The following GLYATL2 variants were observed in gnomAD, a reference collection of about 807,000 sequenced individuals.
The protein encoded by GLYATL2 is glycine-N-acyltransferase like 2.
Under a neutral mutation model 21.4 loss-of-function variants are expected in GLYATL2, and 25 were observed. The ratio of observed to expected loss-of-function variants is 1.17; its 90% CI spans 0.85 to 1.63. GLYATL2 has a LOEUF of 1.63. GLYATL2 is among the 40% of genes most tolerant of loss of function. The pLI is 0.00. For missense variants in GLYATL2, 361 were observed against 343.3 expected, an observed-to-expected ratio of 1.05 and a Z score of -0.41; for synonymous variants, 114 against 118.2, an observed-to-expected ratio of 0.96 and a Z score of 0.23.
intron 2 of GLYATL2, 147 bp from the exon 3 acceptor site, chr11:58,838,515 T>A: frequency 1.9e-6 from 1 of 519,834 alleles, no homozygotes; most frequent in Non-Finnish European, 3.4e-6. Context: ...GGATGGCTCA[T>A]TGGGCTACTC....
intron 1 of GLYATL2, among the ~76,000 whole-genome samples, chr11:58,841,212 C>T (rs1261601402): frequency 6.6e-6 from 1 of 152,124 alleles, no homozygotes; most frequent in East Asian, 1.9e-4. Flanking sequence ...AATATGACAT[C>T]TATGTATGCA....
intron 1 of GLYATL2, among the ~76,000 whole-genome samples, chr11:58,879,887 C>G (rs1014793292): frequency 7.5e-6 from 1 of 134,196 alleles, no homozygotes; most frequent in African/African-American, 2.8e-5. Flanking sequence ...GAGACAGAGT[C>G]TTGCTCTGTC....
At chr11:58,847,386 T>G (rs528249782), upstream of GLYATL2, among the ~76,000 whole-genome samples, 13 of 152,308 alleles carry the variant, frequency 8.5e-5, no homozygotes, top group African/African-American at 2.9e-4. Context: ...GAGCAGCAAG[T>G]GGGCTCTTGA....
chr11:58,862,778 G>A (rs965465801), intron 1 of GLYATL2, among the ~76,000 whole-genome samples: 2 of 152,038 alleles, frequency 1.3e-5, no homozygotes, highest in Non-Finnish European at 2.9e-5. Flanking sequence ...TAGATTCATT[G>A]TCAGAAAGTT....
At chr11:58,852,544 A>C (rs956940229) in intron 1 of GLYATL2, among the ~76,000 whole-genome samples, 3 of 152,290 alleles carry the variant, frequency 2.0e-5, no homozygotes, top group South Asian at 4.1e-4. Flanking sequence ...ACTATTATCC[A>C]CATTTTATGG....
chr11:58,880,308 G>A lies in GLYATL2; in HGVS notation n.60+23848C>T, dbSNP rs147000741. 1.7e-4 allele frequency among the ~76,000 whole-genome samples: 26 copies of A among 152,292 alleles called. 1 individual carries two copies. The highest frequency in any genetic ancestry group is 6.3e-4 in the African/African-American group (26 of 41,568). The stretch of plus-strand genomic sequence containing the variant: ...CTGAGGCCAGGATGGGGTCATAAGA[G>A]CAATATTAAGTATGAGGAGGAGGAG... On this transcript the variant is annotated intron_variant and non_coding_transcript_variant, in intron 1 of 4. Transcript: ENST00000533636.
intron 5 of GLYATL2, 43 bp from the exon 6 acceptor site, chr11:58,834,880 C>A (rs1182816965): frequency 7.0e-7 from 1 of 1,429,540 alleles, no homozygotes; most frequent in Admixed American, 2.2e-5. Flanking sequence ...CCAATATTAC[C>A]AAACACTGGA....
At position 58,838,274 on chromosome 11, in the gene GLYATL2, C is replaced by T. The variant is rs186979803; in HGVS notation, c.173G>A (p.Arg58Gln). The change falls in exon 3 of 6, where the codon CGG (arginine) becomes CAG (glutamine). Residue 58 changes from arginine to glutamine, a missense_variant. Coordinates refer to ENST00000287275, the MANE Select transcript of GLYATL2 (RefSeq NM_145016.4). Reference protein sequence around the residue: ...AWPDYQIVITRPQKQEMKDDQ... With the variant: ...AWPDYQIVITQPQKQEMKDDQ... ...TATTGCTCCTACCTGTTTCTGAGGC[C>T]GGGTAATGACGATCTGGTAATCTGG... is the stretch of plus-strand genomic sequence containing the variant. The T allele has an allele frequency of 1.9e-5, 31 of 1,610,828 alleles. No individual in the cohort carries two copies. The highest frequency in any genetic ancestry group is 1.7e-4 in the Middle Eastern group (1 of 6,042).
chr11:58,891,444 A>G (rs1271920733), intron 1 of GLYATL2, among the ~76,000 whole-genome samples: 1 of 152,196 alleles, frequency 6.6e-6, no homozygotes, highest in Non-Finnish European at 1.5e-5. Context: ...CATTGTCACT[A>G]TTTGAGTAGG....
intron 1 of GLYATL2, among the ~76,000 whole-genome samples, chr11:58,887,693 T>A (rs751506247): frequency 6.6e-6 from 1 of 152,204 alleles, no homozygotes. Context: ...TTTTAATAAC[T>A]GTGGCATTCC....
At chr11:58,899,185 G>C (rs912915185) in intron 1 of GLYATL2, among the ~76,000 whole-genome samples, 2 of 152,090 alleles carry the variant, frequency 1.3e-5, no homozygotes, top group Non-Finnish European at 2.9e-5. Flanking sequence ...CAACATCACA[G>C]GATATAATAG....
chr11:58,840,107 G>GAAA (rs5792130), intron 1 of GLYATL2, among the ~76,000 whole-genome samples: 17 of 150,792 alleles, frequency 1.1e-4, no homozygotes, highest in East Asian at 5.9e-4. Context: ...ATAATCTTCT[G>GAAA]AAAAAAAAAT....
At chr11:58,856,324 C>G (rs1413283679) in intron 1 of GLYATL2, among the ~76,000 whole-genome samples, 1 of 152,088 alleles carries the variant, frequency 6.6e-6, no homozygotes, top group Non-Finnish European at 1.5e-5. Context: ...AATTTTCTAT[C>G]CAGAGCACTA....
In GLYATL2 at chr11:58,834,760, T is replaced by C. The variant is rs1007437776; in HGVS notation, c.554A>G (p.Asn185Ser). 1 of 1,613,598 alleles carries C rather than the reference T, an allele frequency of 6.2e-7. No homozygotes were observed. The highest frequency in any genetic ancestry group is 1.3e-5 in the African/African-American group (1 of 74,906). Reference protein sequence around the residue: ...LVNEHWAFGKNERSLKYIERC... With the variant: ...LVNEHWAFGKSERSLKYIERC... ...TTCAATATATTTCAAGCTCCTCTCA[T>C]TTTTCCCAAAGGCCCAGTGTTCATT... The change falls in exon 6 of 6, where the codon AAT becomes AGT. Residue 185 changes from asparagine to serine, a missense_variant. Transcript: ENST00000287275.
At chr11:58,843,741 A>T (rs1484302006) in intron 1 of GLYATL2, among the ~76,000 whole-genome samples, 1 of 152,220 alleles carries the variant, frequency 6.6e-6, no homozygotes, top group Non-Finnish European at 1.5e-5. Flanking sequence ...GTACTTAAAA[A>T]TAGGAGATTG....
chr11:58,850,696 G>A (rs113466701), intron 1 of GLYATL2, among the ~76,000 whole-genome samples: 2,116 of 151,882 alleles, frequency 0.014, 22 homozygotes, highest in South Asian at 0.047. Flanking sequence ...TCTAGCGGTA[G>A]CATCAGTGCC....
chr11:58,838,472 T>C (rs1853483068), intron 2 of GLYATL2, 104 bp from the exon 3 acceptor site: 6 of 697,278 alleles, frequency 8.6e-6, no homozygotes, highest in Non-Finnish European at 1.2e-5. Flanking sequence ...GGACAAGAAG[T>C]ATAGGAGGAC....
In GLYATL2 at chr11:58,896,522, G is replaced by T. The variant is rs186137434; in HGVS notation, n.60+7634C>A. ...ACTTCTGACATTTCCCTAGACAAAT[G>T]ATGCTGCTTCCCTGCCATCTCTAGC... On this transcript the variant is annotated intron_variant and non_coding_transcript_variant, in intron 1 of 4. Transcript: ENST00000533636. Among the ~76,000 whole-genome samples the T allele has an allele frequency of 5.8e-4, 88 of 152,210 alleles. 1 individual carries two copies. The highest frequency in any genetic ancestry group is 1.1e-3 in the Non-Finnish European group (76 of 68,014).
At chr11:58,841,939 G>T (rs1283074437) in intron 1 of GLYATL2, among the ~76,000 whole-genome samples, 1 of 152,180 alleles carries the variant, frequency 6.6e-6, no homozygotes. Context: ...TTTTCAAAGA[G>T]CTTGACCAGG....
Sources: gnomAD v4.1 joint callset for allele counts (sites outside exome capture counted in the v4.1 genomes callset) on GRCh38, gnomAD v4.1.1 for gene constraint, MANE v1.5 for transcripts, NCBI Gene and HGNC (gene_info 2026-07-23, HGNC 2026-07-21) for gene names.